SOX5: variants seen among roughly 807,000 people sequenced by gnomAD.
SOX5 encodes transcription factor SOX-5.
A neutral mutation model predicts 92.0 loss-of-function variants in SOX5; 9 were observed. The observed-to-expected ratio is 0.10, with a 90% CI of 0.06 to 0.17. The LOEUF is 0.17. SOX5 is among the 10% of genes least tolerant of loss of function. The pLI, the probability that SOX5 is intolerant of heterozygous loss-of-function variation, is 1.00. For missense variants in SOX5, 642 were observed against 944.5 expected (o/e 0.68, Z 4.20); for synonymous variants, 344 against 336.3 (o/e 1.02, Z -0.25).
chr12:23,594,822 T>C (rs923700480), intron 9 of SOX5, among the ~76,000 whole-genome samples: 3 of 152,120 alleles, frequency 2.0e-5, no homozygotes, highest in African/African-American at 7.2e-5. Context: ...AATTCACTAA[T>C]CTCATTCACA....
chr12:24,393,702 CTT>C lies in SOX5; in HGVS notation c.-250-25065_-250-25064del, dbSNP rs1217029796. Among the ~76,000 whole-genome samples the C allele has an allele frequency of 2.6e-5, 4 of 152,140 alleles. No individual in the cohort carries two copies. Among genetic ancestry groups the C allele is most frequent in the Non-Finnish European group, 5.9e-5 (4 of 68,014 alleles). ...TAGAAATTATTAAAATTTGGCAAAA[CTT>C]TTCTATTCTTTAAAAAATTATGACA... On this transcript the variant is annotated intron_variant, in intron 1 of 4. Coordinates refer to the SOX5 transcript ENST00000446891. The surrounding 1 kb of genome is among the most constrained non-coding windows in gnomAD (Gnocchi z 5.0).
chr12:24,412,842 C>T (rs376835730), intron 1 of SOX5, among the ~76,000 whole-genome samples: 1 of 150,130 alleles, frequency 6.7e-6, no homozygotes, highest in East Asian at 2.0e-4. Context: ...GCGAGCTCCG[C>T]CTCCTGGGTT....
At chr12:24,361,700 A>C (rs576230004) in intron 2 of SOX5, among the ~76,000 whole-genome samples, 1 of 152,288 alleles carries the variant, frequency 6.6e-6, no homozygotes, top group African/African-American at 2.4e-5. Flanking sequence ...TCTTGCATTT[A>C]AATTTAAACC....
At chr12:24,445,073 A>G (rs1414798526) in intron 1 of SOX5, among the ~76,000 whole-genome samples, 1 of 152,216 alleles carries the variant, frequency 6.6e-6, no homozygotes, top group African/African-American at 2.4e-5. Flanking sequence ...CAGGACTGAC[A>G]TTAGTCTCTA....
At chr12:24,245,274 T>C (rs935928975) in intron 3 of SOX5, among the ~76,000 whole-genome samples, 21 of 147,660 alleles carry the variant, frequency 1.4e-4, no homozygotes, top group Middle Eastern at 3.5e-3. Flanking sequence ...TGTGTGTGTG[T>C]GCCTTCTACT....
chr12:24,193,247 A>G (rs1956700150), intron 4 of SOX5, among the ~76,000 whole-genome samples: 1 of 152,264 alleles, frequency 6.6e-6, no homozygotes, highest in Admixed American at 6.5e-5. Context: ...GAAACTGACC[A>G]GAACACTACA....
At chr12:24,326,419 CT>C (rs1409781544) in intron 2 of SOX5, among the ~76,000 whole-genome samples, 1 of 149,368 alleles carries the variant, frequency 6.7e-6, no homozygotes, top group East Asian at 2.0e-4. Flanking sequence ...CTTAACAAAC[CT>C]TTATGACTCT....
chr12:23,876,501 G>T (rs1393774327), intron 2 of SOX5, among the ~76,000 whole-genome samples: 6 of 152,218 alleles, frequency 3.9e-5, no homozygotes, highest in African/African-American at 1.2e-4. Context: ...AGGATGTGGA[G>T]AAATAGGAAT....
At chr12:24,489,368 G>C (rs1946825033) in intron 1 of SOX5, among the ~76,000 whole-genome samples, 1 of 152,118 alleles carries the variant, frequency 6.6e-6, no homozygotes, top group African/African-American at 2.4e-5. Context: ...GGGAGAGAGA[G>C]GCACGTGGTG....
At chr12:24,426,511 T>C (rs1326426454) in intron 1 of SOX5, among the ~76,000 whole-genome samples, 2 of 152,256 alleles carry the variant, frequency 1.3e-5, no homozygotes, top group Non-Finnish European at 2.9e-5. Flanking sequence ...TGTACTGTTT[T>C]ATATTAAATA....
chr12:23,845,697 A>G (rs1230436082), intron 3 of SOX5, among the ~76,000 whole-genome samples: 1 of 152,188 alleles, frequency 6.6e-6, no homozygotes, highest in Non-Finnish European at 1.5e-5. Flanking sequence ...CAAGCAGGTG[A>G]CTATTCCCGG....
chr12:23,604,068 G>A (rs1348195796), intron 9 of SOX5: 1 of 223,358 alleles, frequency 4.5e-6, no homozygotes. Context: ...CATAGAGTAT[G>A]GCTATTTGGC....
At chr12:23,984,501 C>T (rs2136196839) in intron 4 of SOX5, among the ~76,000 whole-genome samples, 1 of 152,250 alleles carries the variant, frequency 6.6e-6, no homozygotes, top group East Asian at 1.9e-4. Context: ...ATAGTGTGTT[C>T]ACAATTCTAT....
Position 24,197,552 on chromosome 12 carries a change from T to A in SOX5, c.-2+15791A>T, listed in dbSNP as rs1044347206. ...ACAAACAGCACCCTGCTTACAGCAA[T>A]GAGATGTAAATGGAAGTGGGGGCGG... On this transcript the variant is annotated intron_variant, in intron 4 of 4. Coordinates refer to the SOX5 transcript ENST00000446891. Among the ~76,000 whole-genome samples the A allele has an allele frequency of 7.9e-5, 12 of 151,994 alleles. 1 individual carries two copies. The highest frequency in any genetic ancestry group is 7.9e-4 in the Admixed American group (12 of 15,256).
intron 2 of SOX5, among the ~76,000 whole-genome samples, chr12:24,281,654 C>T (rs1435384532): frequency 6.6e-6 from 1 of 151,946 alleles, no homozygotes; most frequent in African/African-American, 2.4e-5. Context: ...AACAAAAGAG[C>T]ACAATAAACA....
chr12:24,067,876 G>A (rs903130775), intron 4 of SOX5, among the ~76,000 whole-genome samples: 1 of 152,232 alleles, frequency 6.6e-6, no homozygotes, highest in Non-Finnish European at 1.5e-5. Flanking sequence ...CAGGTGCGGC[G>A]GCTCACGCCT....
chr12:23,860,985 C>G (rs1238632365), intron 2 of SOX5, among the ~76,000 whole-genome samples: 1 of 120,442 alleles, frequency 8.3e-6, no homozygotes, highest in African/African-American at 3.2e-5. Flanking sequence ...AAAACCCTGC[C>G]AACATAGAAA....
chr12:23,892,899 T>C lies in SOX5; in HGVS notation c.270+2894A>G, dbSNP rs142730154. On this transcript the variant is annotated intron_variant, in intron 2 of 14. Transcript: ENST00000451604. ...TCTCAATTCGTTTTTAGGAGAACTATAGACCCCAGTTAAGAAACTCTTGCT... is the reference window on the plus strand; with the variant it reads ...TCTCAATTCGTTTTTAGGAGAACTACAGACCCCAGTTAAGAAACTCTTGCT... Among the ~76,000 whole-genome samples the C allele has an allele frequency of 9.2e-5, 14 of 152,332 alleles. No individual in the cohort carries two copies. In the East Asian group the frequency reaches 2.5e-3, roughly 27 times the overall value.
intron 4 of SOX5, among the ~76,000 whole-genome samples, chr12:24,071,753 T>C (rs562231715): frequency 1.3e-5 from 2 of 152,276 alleles, no homozygotes; most frequent in East Asian, 1.9e-4. Flanking sequence ...TTTTAATCCA[T>C]AGTACTTAAT....
Sources: gnomAD v4.1 joint callset for allele counts (sites outside exome capture counted in the v4.1 genomes callset) on GRCh38, gnomAD v4.1.1 for gene constraint, Gnocchi (gnomAD v3.1) non-coding constraint, MANE v1.5 for transcripts, NCBI Gene and HGNC (gene_info 2026-07-23, HGNC 2026-07-21) for gene names.